Variants in PARD3 observed in about 807,000 individuals in gnomAD.
The protein encoded by PARD3 is partitioning defective 3 homolog.
PARD3 carries 75 observed loss-of-function variants against 155.4 expected under a neutral mutation model. The observed-to-expected ratio is 0.48, with a 90% CI of 0.40 to 0.58. The LOEUF (loss-of-function observed/expected upper bound fraction) is 0.58, where lower values mean the gene tolerates loss of function less well. PARD3 is among the 20% of genes least tolerant of loss of function. PARD3 has a pLI of 0.00. For missense variants in PARD3, 1,642 were observed against 1,721.7 expected, an observed-to-expected ratio of 0.95 and a Z score of 0.82; for synonymous variants, 576 against 610.5, an observed-to-expected ratio of 0.94 and a Z score of 0.83.
chr10:34,129,162 C>CT (rs1443922894), intron 23 of PARD3, among the ~76,000 whole-genome samples: 6 of 151,986 alleles, frequency 3.9e-5, no homozygotes, highest in East Asian at 1.9e-4. Context: ...TCTTTCTTTT[C>CT]TTTTTTTTGA....
chr10:34,545,846 C>T (rs758658346), intron 2 of PARD3, among the ~76,000 whole-genome samples: 1 of 152,208 alleles, frequency 6.6e-6, no homozygotes, highest in Non-Finnish European at 1.5e-5. Flanking sequence ...ATGTGAGCCA[C>T]TGCACCTGGC....
At chr10:34,236,335 T>A (rs1415684490) in intron 22 of PARD3, among the ~76,000 whole-genome samples, 1 of 152,174 alleles carries the variant, frequency 6.6e-6, no homozygotes, top group Non-Finnish European at 1.5e-5. Flanking sequence ...CCCACTCTTA[T>A]TCCATTTATT....
chr10:34,259,670 A>C (rs182401628), intron 22 of PARD3, among the ~76,000 whole-genome samples: 4 of 152,344 alleles, frequency 2.6e-5, no homozygotes, highest in Non-Finnish European at 5.9e-5. Context: ...CCATCATACA[A>C]CGAGAGGAAT....
At chr10:34,650,099 G>A (rs774647038) in intron 2 of PARD3, among the ~76,000 whole-genome samples, 2 of 152,154 alleles carry the variant, frequency 1.3e-5, no homozygotes, top group Admixed American at 6.5e-5. Flanking sequence ...GTTTTACAAC[G>A]GGCTTTTTTT....
chr10:34,502,225 C>A (rs2080763582), intron 3 of PARD3, among the ~76,000 whole-genome samples: 1 of 152,110 alleles, frequency 6.6e-6, no homozygotes, highest in Non-Finnish European at 1.5e-5. Context: ...CAATTCAAGA[C>A]TATGTAGTCA....
At chr10:34,539,030 T>A (rs570127998) in intron 2 of PARD3, among the ~76,000 whole-genome samples, 18 of 152,348 alleles carry the variant, frequency 1.2e-4, no homozygotes, top group Middle Eastern at 3.4e-3. Flanking sequence ...AATCCAAGAT[T>A]ATTTGTAGTA....
intron 2 of PARD3, among the ~76,000 whole-genome samples, chr10:34,608,900 A>G (rs1438395962): frequency 6.6e-6 from 1 of 152,202 alleles, no homozygotes; most frequent in Non-Finnish European, 1.5e-5. Context: ...ATTAGGTATT[A>G]CAAGTAATCT....
chr10:34,123,311 G>T (rs1359882713), intron 23 of PARD3, among the ~76,000 whole-genome samples: 1 of 152,064 alleles, frequency 6.6e-6, no homozygotes, highest in African/African-American at 2.4e-5. Flanking sequence ...TTTGTAAGTG[G>T]ACTACAAAGT....
chr10:34,155,783 G>A (rs1948977963), intron 22 of PARD3, among the ~76,000 whole-genome samples: 1 of 151,664 alleles, frequency 6.6e-6, no homozygotes, highest in Admixed American at 6.6e-5. Context: ...GCACAGTGAA[G>A]CAGTACTGAC....
In PARD3 at chr10:34,660,072, TC is replaced by T. The variant is rs2093281769; in HGVS notation, c.222+36245del. ...ATATTAATTTAAAATGCATATGTTT[TC>T]CCCAAATCTTCCCCTCTATTGTTGA... is the stretch of plus-strand genomic sequence containing the variant. On this transcript the variant is annotated intron_variant, in intron 2 of 24. Coordinates refer to ENST00000374788, the MANE Select transcript of PARD3 (RefSeq NM_001184785.2). 2.0e-5 allele frequency among the ~76,000 whole-genome samples: 3 copies of T among 152,294 alleles called. No homozygotes were observed. In the South Asian group the frequency reaches 6.2e-4, roughly 32 times the overall value.
intron 2 of PARD3, among the ~76,000 whole-genome samples, chr10:34,682,493 T>C (rs575915265): frequency 1.3e-5 from 2 of 152,304 alleles, no homozygotes; most frequent in Non-Finnish European, 1.5e-5. Flanking sequence ...TAAGTGAAAC[T>C]GATTACCTAC....
At chr10:34,118,886 G>C (rs1946827758) in intron 24 of PARD3, among the ~76,000 whole-genome samples, 1 of 152,184 alleles carries the variant, frequency 6.6e-6, no homozygotes, top group Non-Finnish European at 1.5e-5. Context: ...AGTTTAAAAA[G>C]CTGAATGTTT....
chr10:34,685,948 T>C (rs913548729), intron 2 of PARD3, among the ~76,000 whole-genome samples: 1 of 152,206 alleles, frequency 6.6e-6, no homozygotes, highest in Non-Finnish European at 1.5e-5. Context: ...CACATCCTAA[T>C]GGAAATTAAA....
intron 2 of PARD3, among the ~76,000 whole-genome samples, chr10:34,554,463 A>G (rs753528857): frequency 6.6e-6 from 1 of 152,252 alleles, no homozygotes; most frequent in South Asian, 2.1e-4. Flanking sequence ...CTTTGTACCA[A>G]CTTTTAATGA....
chr10:34,559,296 G>T (rs2085274148), intron 2 of PARD3, among the ~76,000 whole-genome samples: 2 of 152,084 alleles, frequency 1.3e-5, no homozygotes, highest in Admixed American at 1.3e-4. Flanking sequence ...AAACTGTTGT[G>T]ATTTTCTAAA....
intron 1 of PARD3, among the ~76,000 whole-genome samples, chr10:34,773,908 AT>A (rs1322873593): frequency 6.6e-6 from 1 of 152,196 alleles, no homozygotes; most frequent in East Asian, 1.9e-4. Flanking sequence ...TCCATCACTG[AT>A]TAGTTGGATA....
intron 8 of PARD3, among the ~76,000 whole-genome samples, chr10:34,383,394 C>T (rs1347231137): frequency 2.0e-5 from 3 of 149,308 alleles, no homozygotes; most frequent in Non-Finnish European, 4.4e-5. Context: ...TTAAAATACA[C>T]ACACACACAC....
At chr10:34,483,506 GAAA>G (rs11459278) in intron 3 of PARD3, among the ~76,000 whole-genome samples, 1 of 142,288 alleles carries the variant, frequency 7.0e-6, no homozygotes, top group African/African-American at 2.7e-5. Flanking sequence ...AAAAGAGAGA[GAAA>G]AAAAAACAGA....
chr10:34,405,068 TCACAAA>T (rs112362279), intron 5 of PARD3, among the ~76,000 whole-genome samples: 7,268 of 85,746 alleles, frequency 0.085, 539 homozygotes, highest in African/African-American at 0.32. Flanking sequence ...TGAGACCCCA[TCACAAA>T]CACAAACACA....
Sources: gnomAD v4.1 joint callset for allele counts (sites outside exome capture counted in the v4.1 genomes callset) on GRCh38, gnomAD v4.1.1 for gene constraint, MANE v1.5 for transcripts, NCBI Gene and HGNC (gene_info 2026-07-23, HGNC 2026-07-21) for gene names.